Variants in SSC5D observed in about 807,000 individuals in gnomAD.
SSC5D encodes scavenger receptor cysteine rich family member with 5 domains, also known as soluble scavenger receptor cysteine-rich domain-containing protein SSC5D.
SSC5D carries 106 observed loss-of-function variants against 104.6 expected under a neutral mutation model. The ratio of observed to expected loss-of-function variants is 1.01; its 90% CI spans 0.87 to 1.19. The LOEUF (loss-of-function observed/expected upper bound fraction) is 1.19. Ranked by LOEUF, SSC5D falls within the 50% of genes most tolerant of loss-of-function variation. SSC5D has a pLI of 0.00. For missense variants in SSC5D, 1,993 were observed against 2,153.8 expected (o/e 0.93, Z 1.48); for synonymous variants, 860 against 883.5 (o/e 0.97, Z 0.47).
intron 12 of SSC5D, among the ~76,000 whole-genome samples, chr19:55,501,756 A>G (rs946430980): frequency 6.6e-6 from 1 of 151,996 alleles, no homozygotes; most frequent in Non-Finnish European, 1.5e-5. Context: ...CACACCTGGG[A>G]CCACGCCCCG....
At chr19:55,494,045 T>C (rs1024328354) in intron 7 of SSC5D, 133 bp downstream of exon 7, 1 of 882,146 alleles carries the variant, frequency 1.1e-6, no homozygotes, top group African/African-American at 1.7e-5. Context: ...TCCCCCATCT[T>C]ATTCCCCTCT....
In SSC5D at chr19:55,489,631, C is replaced by T; in HGVS notation, c.330C>T (p.Ser110=). The stretch of plus-strand genomic sequence containing the variant: ...GGGGCTGGAAGGCCCACATCTGCTC[C>T]CACGAGGAGGACGCGGGCGTCGTCT... ...HHRGWKAHIC[S]HEEDAGVVCA... Residue 110 remains serine, a synonymous_variant, in exon 3 of 14, where the codon TCC becomes TCT. Transcript: ENST00000389623. 6.5e-7 allele frequency: 1 copy of T among 1,533,284 alleles called. No homozygotes were observed. The highest frequency in any genetic ancestry group is 8.7e-7 in the Non-Finnish European group (1 of 1,145,366). The allele number at this position is 1,533,284 out of a possible 1,614,324, so 95.0% of individuals were successfully genotyped here. A position where few individuals can be genotyped will look rare whatever the true frequency, so the allele number is the denominator to read the frequency against.
chr19:55,494,578 T>C lies in SSC5D; in HGVS notation c.1214-32T>C, dbSNP rs1237820999. On this transcript the variant is annotated intron_variant, in intron 7 of 13. Transcript: ENST00000389623. ...CCGGCTCCGGGATGGAGGGTGTGTG[T>C]GGGTGGCAATCACTTACCCCCTGCT... is the stretch of plus-strand genomic sequence containing the variant. 3 of 1,482,830 alleles carry C rather than the reference T, an allele frequency of 2.0e-6. No homozygotes were observed. In the African/African-American group the frequency reaches 4.2e-5, roughly 21 times the overall value. The allele number at this position is 1,482,830 out of a possible 1,614,324, so 91.9% of individuals were successfully genotyped here.
intron 13 of SSC5D, among the ~76,000 whole-genome samples, chr19:55,515,680 C>T (rs1331026424): frequency 2.7e-5 from 4 of 149,940 alleles, no homozygotes; most frequent in Non-Finnish European, 5.9e-5. Context: ...GGCAGTGAGG[C>T]GAGATCGTGC....
rs1189657378 is a variant in SSC5D at position 55,500,834 on chromosome 19, T to TGTCGG, written c.2617+32_2617+36dup. ...CAGGGCATGGCGGCGGTGGTGGGGT[T>TGTCGG]GTCGGGGGTGGCCAGGAGAATGGAG... On this transcript the variant is annotated intron_variant, in intron 11 of 13. Coordinates refer to ENST00000389623, the MANE Select transcript of SSC5D (RefSeq NM_001144950.2). The surrounding 1 kb of genome is among the most constrained non-coding windows in gnomAD (Gnocchi z 4.6). 6.5e-7 allele frequency: 1 copy of TGTCGG among 1,528,898 alleles called. No individual in the cohort carries two copies. Among genetic ancestry groups the TGTCGG allele is most frequent in the Non-Finnish European group, 8.8e-7 (1 of 1,134,632 alleles). 94.7% of individuals were successfully genotyped at this position (1,528,898 alleles called of 1,614,324 possible).
rs1162588897 is a variant in SSC5D at position 55,518,621 on chromosome 19, T to G, written c.4345T>G (p.Leu1449Val). ...CCTCCTTTCCCCCACAGCCCACCCC[T>G]TGGATCATCCTCCCCTTGACCCCCT... is the stretch of plus-strand genomic sequence containing the variant. The part of the protein sequence containing the change: ...DPLLSPTAHP[L>V]DHPPLDPLTL... The change falls in exon 14 of 14, where the codon TTG (leucine) becomes GTG (valine). Residue 1449 changes from leucine to valine, a missense_variant. By Grantham distance (32) the Leu-to-Val change is conservative. Around this residue, in one of 6 missense-constraint regions of SSC5D, gnomAD observed 349 missense variants for 397.6 expected, o/e 0.88. Coordinates refer to ENST00000389623, the MANE Select transcript of SSC5D (RefSeq NM_001144950.2). The G allele has an allele frequency of 9.0e-7, 1 of 1,115,460 alleles. No individual in the cohort carries two copies. Among genetic ancestry groups the G allele is most frequent in the Non-Finnish European group, 1.2e-6 (1 of 862,692 alleles). 69.1% of individuals were successfully genotyped at this position (1,115,460 alleles called of 1,614,324 possible). A position where few individuals can be genotyped will look rare whatever the true frequency, so the allele number is the denominator to read the frequency against.
rs1987955064 is a variant in SSC5D at position 55,518,772 on chromosome 19, A to G, written c.4496A>G (p.Asp1499Gly). 6.4e-7 allele frequency: 1 copy of G among 1,550,708 alleles called. No homozygotes were observed. Among genetic ancestry groups the G allele is most frequent in the East Asian group, 2.4e-5 (1 of 40,916 alleles). Residue 1499 changes from aspartate (D) to glycine (G), a missense_variant, in exon 14 of 14, where the codon GAT (aspartate) becomes GGT (glycine). Physicochemically the swap from Asp to Gly is moderately conservative, Grantham distance 94. This residue lies in a region of SSC5D where 349 missense variants were observed against 397.6 expected (regional missense o/e 0.88). Coordinates refer to ENST00000389623, the MANE Select transcript of SSC5D (RefSeq NM_001144950.2). ...GTGGAGCTGGTGGCTGCTGTGAGGG[A>G]TGTGGGTGGTCAGCTGCAGAGACTG... The part of the protein sequence containing the change: ...ALVELVAAVR[D>G]VGGQLQRLTQ...
intron 3 of SSC5D, 73 bp downstream of exon 3, chr19:55,489,735 C>G: frequency 1.3e-6 from 2 of 1,509,534 alleles, no homozygotes; most frequent in Non-Finnish European, 1.8e-6. Flanking sequence ...GTCCTTAGCC[C>G]CAGCAAGTCT....
rs918310618 is a variant in SSC5D at position 55,517,113 on chromosome 19, T to G, written c.2948-111T>G. 3.9e-6 allele frequency: 4 copies of G among 1,022,872 alleles called. No homozygotes were observed. In the African/African-American group the frequency reaches 6.4e-5, roughly 16 times the overall value. The allele number at this position is 1,022,872 out of a possible 1,614,324, so 63.4% of individuals were successfully genotyped here. ...AAGTCTGCCGGTGACCCATGACGTCTCGAGGCTCTGTGCCTTTCCATTGGT... is the reference window on the plus strand; with the variant it reads ...AAGTCTGCCGGTGACCCATGACGTCGCGAGGCTCTGTGCCTTTCCATTGGT... On this transcript the variant is annotated intron_variant, in intron 13 of 13. Coordinates refer to ENST00000389623, the MANE Select transcript of SSC5D (RefSeq NM_001144950.2).
At position 55,517,458 on chromosome 19, in the gene SSC5D, A is replaced by C; in HGVS notation, c.3182A>C (p.Asp1061Ala). 5.2e-6 allele frequency: 8 copies of C among 1,550,464 alleles called. No individual in the cohort carries two copies. Among genetic ancestry groups the C allele is most frequent in the Non-Finnish European group, 7.0e-6 (8 of 1,146,848 alleles). The change falls in exon 14 of 14, where the codon GAC becomes GCC. Residue 1061 changes from aspartate (D) to alanine (A), a missense_variant. Asp to Ala is a moderately radical substitution (Grantham distance 126, BLOSUM62 -2). Transcript: ENST00000389623. ...TPDPASRTNP[D>A]LILTSPDFAL... is the part of the protein sequence containing the mutation. ...GACCCGGCCTCCCGGACGAACCCCG[A>C]CCTCATCTTGACAAGCCCTGACTTT... is the stretch of plus-strand genomic sequence containing the variant.
At chr19:55,507,436 A>G (rs1203505095) in intron 12 of SSC5D, among the ~76,000 whole-genome samples, 1 of 142,074 alleles carries the variant, frequency 7.0e-6, no homozygotes, top group African/African-American at 3.1e-5. Flanking sequence ...AGGCTGAGGC[A>G]GGTGGATCAC....
At position 55,493,638 on chromosome 19, in the gene SSC5D, C is replaced by G. The variant is rs773653667; in HGVS notation, c.939C>G (p.Cys313Trp). The G allele has an allele frequency of 6.7e-7, 1 of 1,492,736 alleles. No homozygotes were observed. The highest frequency in any genetic ancestry group is 1.4e-5 in the African/African-American group (1 of 69,038). 92.5% of individuals were successfully genotyped at this position (1,492,736 alleles called of 1,614,324 possible). ...RLRLADGPHG[C>W]AGRLEVWHGG... is the part of the protein sequence containing the mutation. Reference sequence around the variant, plus strand: ...GCCTGGCCGATGGCCCCCACGGGTGCGCCGGCCGCCTGGAGGTCTGGCACG... The same window carrying G: ...GCCTGGCCGATGGCCCCCACGGGTGGGCCGGCCGCCTGGAGGTCTGGCACG... The change falls in exon 7 of 14, where the codon TGC becomes TGG. Residue 313 changes from cysteine (C) to tryptophan (W), a missense_variant. Physicochemically the swap from Cys to Trp is radical, Grantham distance 215. Coordinates refer to ENST00000389623, the MANE Select transcript of SSC5D (RefSeq NM_001144950.2).
rs1360593427 is a variant in SSC5D at position 55,500,899 on chromosome 19, A to G, written c.2617+95A>G. 1 of 1,503,520 alleles carries G rather than the reference A, an allele frequency of 6.7e-7. No individual in the cohort carries two copies. Among genetic ancestry groups the G allele is most frequent in the African/African-American group, 1.4e-5 (1 of 71,840 alleles). 93.1% of individuals were successfully genotyped at this position (1,503,520 alleles called of 1,614,324 possible). A position where few individuals can be genotyped will look rare whatever the true frequency, so the allele number is the denominator to read the frequency against. ...GGTGACGGCACCATGGTCGACTCTA[A>G]AGAACTGGGTATGAGGGGTCGGGGT... is the stretch of plus-strand genomic sequence containing the variant. On this transcript the variant is annotated intron_variant, in intron 11 of 13. Transcript: ENST00000389623. This position sits in a 1 kb window ranked among gnomAD's most constrained non-coding sequence, Gnocchi z 4.6.
At position 55,490,830 on chromosome 19, in the gene SSC5D, C is replaced by T. The variant is rs763405683; in HGVS notation, c.645C>T (p.His215=). 2.7e-5 allele frequency: 42 copies of T among 1,547,198 alleles called. No homozygotes were observed. Among genetic ancestry groups the T allele is most frequent in the African/African-American group, 1.6e-4 (12 of 73,082 alleles). Residue 215 remains histidine, a synonymous_variant, in exon 6 of 14, where the codon CAC becomes CAT. Transcript: ENST00000389623. ...GCGCCGGACGCCTGGAGGTCTGGCA[C>T]GGCGGGCGCTGGGGCACCGTATGTG... ...HRCAGRLEVW[H]GGRWGTVCDD... is the part of the protein sequence containing the mutation.
intron 13 of SSC5D, among the ~76,000 whole-genome samples, chr19:55,515,189 T>C (rs1599930329): frequency 7.1e-6 from 1 of 141,486 alleles, no homozygotes; most frequent in Non-Finnish European, 1.5e-5. Context: ...AGGTCGGGGG[T>C]TCAAGACTAG....
Position 55,493,667 on chromosome 19 carries a change from G to T in SSC5D, c.968G>T (p.Gly323Val). 1 of 1,507,008 alleles carries T rather than the reference G, an allele frequency of 6.6e-7. No homozygotes were observed. The highest frequency in any genetic ancestry group is 8.8e-7 in the Non-Finnish European group (1 of 1,134,898). 93.4% of individuals were successfully genotyped at this position (1,507,008 alleles called of 1,614,324 possible). The change falls in exon 7 of 14, where the codon GGT becomes GTT. Residue 323 changes from glycine (G) to valine (V), a missense_variant. Around this residue, in one of 6 missense-constraint regions of SSC5D, gnomAD observed 1,101 missense variants for 1,085.0 expected, o/e 1.01. Coordinates refer to ENST00000389623, the MANE Select transcript of SSC5D (RefSeq NM_001144950.2). ...CAGRLEVWHG[G>V]RWGSVCDDAW... ...GGCCGCCTGGAGGTCTGGCACGGGG[G>T]TCGCTGGGGGTCGGTGTGTGACGAC... is the stretch of plus-strand genomic sequence containing the variant.
Position 55,489,947 on chromosome 19 carries a change from C to T in SSC5D, c.427C>T (p.Leu143=), listed in dbSNP as rs1357140358. 6.5e-7 allele frequency: 1 copy of T among 1,549,906 alleles called. No individual in the cohort carries two copies. The highest frequency in any genetic ancestry group is 8.7e-7 in the Non-Finnish European group (1 of 1,146,710). The change falls in exon 4 of 14, where the codon CTG becomes TTG. Residue 143 remains leucine (L), a synonymous_variant. Coordinates refer to ENST00000389623, the MANE Select transcript of SSC5D (RefSeq NM_001144950.2). ...CCTGGATGGGGCTCCCTGGCCAGGG[C>T]TGTTGCTGGAGCTGAGCCCCAGCAC... ...SPLDGAPWPG[L]LLELSPSTEE...
intron 8 of SSC5D, among the ~76,000 whole-genome samples, chr19:55,497,154 G>A (rs1352872129): frequency 2.0e-5 from 3 of 152,184 alleles, no homozygotes; most frequent in African/African-American, 7.2e-5. Context: ...TTGTGTGTCT[G>A]CCTTGCCCTT....
intron 12 of SSC5D, among the ~76,000 whole-genome samples, chr19:55,510,582 C>G (rs1046812514): frequency 1.3e-5 from 2 of 149,106 alleles, no homozygotes; most frequent in African/African-American, 5.0e-5. Context: ...CTCCTGACCT[C>G]GTGATCCGCC....
Sources: gnomAD v4.1 joint callset for allele counts (sites outside exome capture counted in the v4.1 genomes callset) on GRCh38, gnomAD v4.1.1 for gene constraint, gnomAD v4.1.1 regional missense constraint, Gnocchi (gnomAD v3.1) non-coding constraint, MANE v1.5 for transcripts, NCBI Gene and HGNC (gene_info 2026-07-23, HGNC 2026-07-21) for gene names.